PCOLCE2: variants seen among roughly 807,000 people sequenced by gnomAD.
PCOLCE2 encodes the protein procollagen C-endopeptidase enhancer 2, also known as procollagen C-proteinase enhancer 2.
A neutral mutation model predicts 47.0 loss-of-function variants in PCOLCE2; 42 were observed. That is an observed-to-expected ratio of 0.89 (90% CI 0.70 to 1.16). The LOEUF (loss-of-function observed/expected upper bound fraction) is 1.16. Among genes scored for constraint, PCOLCE2 ranks in the 50% most tolerant of loss-of-function variants. The pLI is 0.00. For synonymous variants in PCOLCE2, 169 were observed against 191.7 expected, an observed-to-expected ratio of 0.88 and a Z score of 0.98; for missense variants, 500 against 526.1, an observed-to-expected ratio of 0.95 and a Z score of 0.49.
rs1937005067 is a variant in PCOLCE2, at chr3:142,820,888, G to A, written c.1107C>T (p.Leu369=). 6.2e-7 allele frequency: 1 copy of A among 1,612,654 alleles called. No individual in the cohort carries two copies. Among genetic ancestry groups the A allele is most frequent in the South Asian group, 1.1e-5 (1 of 91,018 alleles). ...TTTCTCCCTACTCACCTCTTCTGAGGAGAGGGCACTGCTTGCAGACGACAG... is the reference window on the plus strand; with the variant it reads ...TTTCTCCCTACTCACCTCTTCTGAGAAGAGGGCACTGCTTGCAGACGACAG... ...RLTVVCKQCP[L]LRRGLNYIIM... Residue 369 remains leucine, a synonymous_variant, in exon 8 of 9, where the codon CTC becomes CTT. Coordinates refer to ENST00000295992, the MANE Select transcript of PCOLCE2 (RefSeq NM_013363.4).
At chr3:142,838,142 C>G (rs972420219) in intron 5 of PCOLCE2, among the ~76,000 whole-genome samples, 3 of 152,062 alleles carry the variant, frequency 2.0e-5, no homozygotes, top group Non-Finnish European at 4.4e-5. Context: ...TGCATCTGAC[C>G]CTGGGGTATC....
rs372108015 is a variant in PCOLCE2 at position 142,832,229 on chromosome 3, G to A, written c.711-2383C>T. Among the ~76,000 whole-genome samples the A allele has an allele frequency of 2.9e-4, 44 of 151,976 alleles. No homozygotes were observed. The East Asian group carries it at 3.5e-3, about 12-fold the overall frequency. On this transcript the variant is annotated intron_variant, in intron 5 of 8. Coordinates refer to ENST00000295992, the MANE Select transcript of PCOLCE2 (RefSeq NM_013363.4). ...TTCTACCACCCTTCTCCACCTCCTC[G>A]ACTTTACCTGGACCATTGCAACAGT...
Position 142,833,893 on chromosome 3 carries a change from T to C in PCOLCE2, c.711-4047A>G, listed in dbSNP as rs575144517. Among the ~76,000 whole-genome samples the C allele has an allele frequency of 2.0e-5, 3 of 152,336 alleles. No homozygotes were observed. In the South Asian group the frequency reaches 6.2e-4, roughly 32 times the overall value. On this transcript the variant is annotated intron_variant, in intron 5 of 8. Transcript: ENST00000295992. ...CCATTTGTGGCTTTTCTTTTCCCTC[T>C]CTTTCAGGGTATATTCTGATGAACA...
chr3:142,883,888 T>C (rs961073509), intron 2 of PCOLCE2, among the ~76,000 whole-genome samples: 9 of 152,188 alleles, frequency 5.9e-5, no homozygotes, highest in Non-Finnish European at 1.3e-4. Context: ...CAGGGGTGCC[T>C]GTGGAGCACA....
At chr3:142,888,709 G>C in intron 1 of PCOLCE2, 105 bp downstream of exon 1, 1 of 658,028 alleles carries the variant, frequency 1.5e-6, no homozygotes, top group Non-Finnish European at 2.4e-6. Context: ...TCGAGCGCTG[G>C]GTCACCCAGG....
intron 2 of PCOLCE2, among the ~76,000 whole-genome samples, chr3:142,878,304 GT>G (rs1352940299): frequency 2.6e-5 from 4 of 152,056 alleles, no homozygotes; most frequent in Non-Finnish European, 5.9e-5. Flanking sequence ...GTTTATATTT[GT>G]TTCTTAAAGA....
intron 3 of PCOLCE2, among the ~76,000 whole-genome samples, chr3:142,847,869 T>TA (rs1204155194): frequency 6.6e-6 from 1 of 152,174 alleles, no homozygotes; most frequent in Admixed American, 6.5e-5. Flanking sequence ...ATTGTATAAG[T>TA]ACTCAAATAA....
intron 2 of PCOLCE2, among the ~76,000 whole-genome samples, chr3:142,858,101 C>A (rs1933105336): frequency 6.6e-6 from 1 of 152,222 alleles, no homozygotes; most frequent in Admixed American, 6.5e-5. Flanking sequence ...CCTCTCCCAT[C>A]CAATTCCTAG....
rs1933077127 is a variant in PCOLCE2, at chr3:142,857,081, C to A, written c.193-8609G>T. ...TAAGTAAGAGTCTCCATTTCCCAAT[C>A]TATCGTATGTGTGCAATGAACCTGT... On this transcript the variant is annotated intron_variant, in intron 2 of 8. Transcript: ENST00000295992. Among the ~76,000 whole-genome samples, 5 of 152,188 alleles carry A rather than the reference C, an allele frequency of 3.3e-5. No individual in the cohort carries two copies. In the South Asian group the frequency reaches 1.0e-3, roughly 32 times the overall value.
At chr3:142,849,830 CAATAGATGCTT>C (rs1444511665) in intron 2 of PCOLCE2, among the ~76,000 whole-genome samples, 1 of 152,150 alleles carries the variant, frequency 6.6e-6, no homozygotes, top group African/African-American at 2.4e-5. Flanking sequence ...ACTCAAGGGT[CAATAGATGCTT>C]TGACATTAAT....
chr3:142,867,256 G>A (rs554297722), intron 2 of PCOLCE2, among the ~76,000 whole-genome samples: 4 of 152,168 alleles, frequency 2.6e-5, no homozygotes, highest in African/African-American at 9.6e-5. Context: ...TCCACTCCAC[G>A]AGTGTGTCCA....
In PCOLCE2 at chr3:142,828,576, G is replaced by A. The variant is rs143805405; in HGVS notation, c.865+1116C>T. Among the ~76,000 whole-genome samples the A allele has an allele frequency of 7.2e-5, 11 of 152,296 alleles. No individual in the cohort carries two copies. The East Asian group carries it at 1.9e-3, about 27-fold the overall frequency. Reference sequence around the variant, plus strand: ...AGATGACCCTATGAGTGCGGCTACCGATGCTGTGGACGTGCTTGGGAAAAT... The same window carrying A: ...AGATGACCCTATGAGTGCGGCTACCAATGCTGTGGACGTGCTTGGGAAAAT... On this transcript the variant is annotated intron_variant, in intron 6 of 8. Coordinates refer to ENST00000295992, the MANE Select transcript of PCOLCE2 (RefSeq NM_013363.4).
chr3:142,852,239 T>C (rs1932957660), intron 2 of PCOLCE2, among the ~76,000 whole-genome samples: 1 of 148,096 alleles, frequency 6.8e-6, no homozygotes, highest in Admixed American at 6.6e-5. Context: ...CTTCATTTTT[T>C]ATATGAGTGA....
rs775219845 is a variant in PCOLCE2 at position 142,820,884 on chromosome 3, T to G, written c.1111A>C (p.Arg371=). ...TVVCKQCPLL[R]RGLNYIIMGQ... The stretch of plus-strand genomic sequence containing the variant: ...CAGTTTTCTCCCTACTCACCTCTTC[T>G]GAGGAGAGGGCACTGCTTGCAGACG... Residue 371 remains arginine (R), a synonymous_variant, in exon 8 of 9, where the codon AGA becomes CGA. Transcript: ENST00000295992. The G allele has an allele frequency of 1.2e-6, 2 of 1,612,184 alleles. No homozygotes were observed. Among genetic ancestry groups the G allele is most frequent in the Admixed American group, 1.7e-5 (1 of 59,990 alleles).
intron 8 of PCOLCE2, among the ~76,000 whole-genome samples, chr3:142,818,769 C>G (rs1578025636): frequency 6.6e-6 from 1 of 152,190 alleles, no homozygotes; most frequent in Non-Finnish European, 1.5e-5. Flanking sequence ...TTAAGACTCT[C>G]ATCGGCAAAA....
intron 2 of PCOLCE2, among the ~76,000 whole-genome samples, chr3:142,852,673 GTATTTA>G (rs1292558966): frequency 6.9e-6 from 1 of 144,598 alleles, no homozygotes; most frequent in African/African-American, 2.6e-5. Context: ...GTGTGTGTGT[GTATTTA>G]TATATATTTA....
At chr3:142,848,678 A>G (rs1220517124) in intron 2 of PCOLCE2, among the ~76,000 whole-genome samples, 3 of 152,212 alleles carry the variant, frequency 2.0e-5, no homozygotes, top group Non-Finnish European at 2.9e-5. Context: ...AAATTCTGCA[A>G]TTCTCCAGGA....
intron 2 of PCOLCE2, among the ~76,000 whole-genome samples, chr3:142,882,087 T>C (rs1192835746): frequency 6.6e-6 from 1 of 151,816 alleles, no homozygotes; most frequent in Non-Finnish European, 1.5e-5. Context: ...TGGAGTGCAG[T>C]GGCACAATCA....
At chr3:142,867,343 C>A (rs114591652) in intron 2 of PCOLCE2, among the ~76,000 whole-genome samples, 8,706 of 152,248 alleles carry the variant, frequency 0.057, 260 homozygotes, top group Non-Finnish European at 0.063. Context: ...AGAAGAATAT[C>A]TTTGCAATCT....
Sources: gnomAD v4.1 joint callset for allele counts (sites outside exome capture counted in the v4.1 genomes callset) on GRCh38, gnomAD v4.1.1 for gene constraint, MANE v1.5 for transcripts, NCBI Gene and HGNC (gene_info 2026-07-23, HGNC 2026-07-21) for gene names.